The following KLKB1 variants were observed in gnomAD, a reference collection of about 807,000 sequenced individuals.
KLKB1 encodes plasma kallikrein.
Under a neutral mutation model 73.6 loss-of-function variants are expected in KLKB1, and 58 were observed. That is an observed-to-expected ratio of 0.79 (90% CI 0.64 to 0.98). The LOEUF (loss-of-function observed/expected upper bound fraction) is 0.98. KLKB1 is among the 50% of genes least tolerant of loss of function. The pLI, the probability that KLKB1 is intolerant of heterozygous loss-of-function variation, is 0.00. For synonymous variants in KLKB1, 280 were observed against 258.1 expected (o/e 1.08, Z -0.81); for missense variants, 737 against 763.8 (o/e 0.96, Z 0.41).
chr4:186,240,268 T>TA (rs1476146811), intron 6 of KLKB1, among the ~76,000 whole-genome samples: 5 of 151,952 alleles, frequency 3.3e-5, no homozygotes, highest in African/African-American at 1.2e-4. Context: ...GTGATATAGG[T>TA]ACAGTGATAT....
chr4:186,258,338 G>A lies in KLKB1; in HGVS notation c.*126G>A. The A allele has an allele frequency of 1.2e-6, 1 of 837,618 alleles. No individual in the cohort carries two copies. The highest frequency in any genetic ancestry group is 2.0e-6 in the Non-Finnish European group (1 of 499,786). 51.9% of individuals were successfully genotyped at this position (837,618 alleles called of 1,614,324 possible). On this transcript the variant is annotated 3_prime_UTR_variant, in exon 15 of 15. Transcript: ENST00000264690. ...TTGCATCCTAAGGACGAAAAACACAGTGCACTCAGAGCTGCTGAGGACAAT... is the reference window on the plus strand; with the variant it reads ...TTGCATCCTAAGGACGAAAAACACAATGCACTCAGAGCTGCTGAGGACAAT...
chr4:186,242,922 C>T (rs1169471345), intron 6 of KLKB1, among the ~76,000 whole-genome samples: 3 of 130,576 alleles, frequency 2.3e-5, no homozygotes, highest in African/African-American at 8.2e-5. Context: ...TAATAAAGGC[C>T]GGTCTGTTAT....
intron 6 of KLKB1, among the ~76,000 whole-genome samples, chr4:186,241,447 T>C (rs1333844623): frequency 1.3e-5 from 2 of 152,102 alleles, no homozygotes; most frequent in Non-Finnish European, 2.9e-5. Context: ...TTTAATGGTG[T>C]TTTAAAGCCT....
At chr4:186,218,178 T>C (rs1030133390) in intron 2 of KLKB1, among the ~76,000 whole-genome samples, 31 of 152,230 alleles carry the variant, frequency 2.0e-4, no homozygotes, top group East Asian at 5.8e-4. Context: ...ATTTCCTGAA[T>C]TGGGTGGGAA....
At chr4:186,251,925 T>A in intron 10 of KLKB1, 64 bp downstream of exon 10, 2 of 1,605,020 alleles carry the variant, frequency 1.2e-6, no homozygotes, top group South Asian at 2.2e-5. Context: ...GTTTGCTTAG[T>A]CTTAAGGAAT....
intron 5 of KLKB1, among the ~76,000 whole-genome samples, chr4:186,237,946 T>C (rs1317150726): frequency 6.6e-6 from 1 of 152,154 alleles, no homozygotes; most frequent in East Asian, 1.9e-4. Flanking sequence ...GAAGTCTGTG[T>C]CATTTTTCGC....
intron 14 of KLKB1, 107 bp from the exon 15 acceptor site, chr4:186,257,912 CTG>C (rs4253389): frequency 1.1e-3 from 1,018 of 948,834 alleles, no homozygotes; most frequent in Non-Finnish European, 1.3e-3. Context: ...ATGAAAGTAT[CTG>C]TGTGTGTGTG....
intron 2 of KLKB1, among the ~76,000 whole-genome samples, chr4:186,218,886 C>T (rs1318001745): frequency 6.6e-6 from 1 of 152,104 alleles, no homozygotes; most frequent in African/African-American, 2.4e-5. Context: ...GCAAGGAAGC[C>T]AGTCTAAGTC....
At chr4:186,236,108 C>G (rs1418082996) in intron 4 of KLKB1, among the ~76,000 whole-genome samples, 1 of 94,618 alleles carries the variant, frequency 1.1e-5, no homozygotes, top group Non-Finnish European at 2.1e-5. Context: ...AGCGAGACTC[C>G]GTCTCAAAAA....
intron 6 of KLKB1, among the ~76,000 whole-genome samples, chr4:186,246,468 C>G (rs532593060): frequency 6.6e-6 from 1 of 152,314 alleles, no homozygotes; most frequent in South Asian, 2.1e-4. Flanking sequence ...CAAGAATTAT[C>G]TAGATCTTGT....
chr4:186,255,705 G>A lies in KLKB1; in HGVS notation c.1490-287G>A, dbSNP rs4253323. Among the ~76,000 whole-genome samples the A allele has an allele frequency of 0.13, 20,327 of 152,258 alleles. 1,603 individuals are homozygous for A. Among genetic ancestry groups the A allele is most frequent in the Middle Eastern group, 0.21 (63 of 294 alleles). ...TACCCTGCTATGACTATTAAGGATA[G>A]TATACATGGAATAAGACACAGGAAC... On this transcript the variant is annotated intron_variant, in intron 12 of 14. Coordinates refer to ENST00000264690, the MANE Select transcript of KLKB1 (RefSeq NM_000892.5).
chr4:186,235,890 C>A (rs987764452), intron 4 of KLKB1, among the ~76,000 whole-genome samples: 2 of 151,232 alleles, frequency 1.3e-5, no homozygotes, highest in Non-Finnish European at 2.9e-5. Flanking sequence ...CCGAGACGGG[C>A]GGATCACGAG....
At position 186,250,277 on chromosome 4, in the gene KLKB1, C is replaced by T. The variant is rs1204117709; in HGVS notation, c.633C>T (p.Phe211=). 6.2e-7 allele frequency: 1 copy of T among 1,614,174 alleles called. No homozygotes were observed. ...TGAACATCTTCCAGCATCTTGCGTT[C>T]TCAGATGTGGATGTTGCCAGGGTTC... ...CHMNIFQHLA[F]SDVDVARVLT... Residue 211 remains phenylalanine, a synonymous_variant, in exon 7 of 15, where the codon TTC becomes TTT. Transcript: ENST00000264690.
chr4:186,234,063 G>A lies in KLKB1; in HGVS notation c.328+5G>A, dbSNP rs749635694. ...AATGTGGTCATCAAATAAGTGGTAAGTTGTGAATTTCTTAGCTACATTTGA... is the reference window on the plus strand; with the variant it reads ...AATGTGGTCATCAAATAAGTGGTAAATTGTGAATTTCTTAGCTACATTTGA... On this transcript the variant is annotated splice_donor_5th_base_variant and intron_variant, in intron 4 of 14. Coordinates refer to ENST00000264690, the MANE Select transcript of KLKB1 (RefSeq NM_000892.5). 6.2e-7 allele frequency: 1 copy of A among 1,600,094 alleles called. No homozygotes were observed. The highest frequency in any genetic ancestry group is 8.6e-7 in the Non-Finnish European group (1 of 1,167,304).
chr4:186,232,613 A>G (rs1203786422), intron 3 of KLKB1, among the ~76,000 whole-genome samples: 2 of 152,234 alleles, frequency 1.3e-5, no homozygotes, highest in African/African-American at 4.8e-5. Context: ...GAAAGAGTCT[A>G]ACAGGTGCAC....
intron 11 of KLKB1, 91 bp downstream of exon 11, chr4:186,252,276 A>T: frequency 7.4e-7 from 1 of 1,359,332 alleles, no homozygotes; most frequent in African/African-American, 1.4e-5. Flanking sequence ...ATGTGACTTT[A>T]TGAATAGAGA....
chr4:186,250,904 A>G (rs1738633719), intron 7 of KLKB1: 2 of 387,654 alleles, frequency 5.2e-6, no homozygotes, highest in South Asian at 2.6e-5. Context: ...ATGTAATATC[A>G]TCGGCAGCAT....
intron 6 of KLKB1, among the ~76,000 whole-genome samples, chr4:186,245,818 T>TTG (rs1738309746): frequency 8.6e-6 from 1 of 115,700 alleles, no homozygotes; most frequent in African/African-American, 3.0e-5. Context: ...TTTTGTTTGT[T>TTG]TTTTGGTTTT....
chr4:186,238,299 G>A lies in KLKB1; in HGVS notation c.532G>A (p.Ala178Thr), dbSNP rs4253257. ...LKYSPGGTPTAIKVLSNVESG... is the reference protein window; with the variant it reads ...LKYSPGGTPTTIKVLSNVESG... Reference sequence around the variant, plus strand: ...GTACAGTCCCGGAGGAACACCTACCGCTATAAAGGTGCTGAGTAACGTGGA... The same window carrying A: ...GTACAGTCCCGGAGGAACACCTACCACTATAAAGGTGCTGAGTAACGTGGA... Residue 178 changes from alanine (A) to threonine (T), a missense_variant, in exon 6 of 15, where the codon GCT becomes ACT. Ala to Thr is a moderately conservative substitution (Grantham distance 58). Transcript: ENST00000264690. 446 of 1,613,878 alleles carry A rather than the reference G, an allele frequency of 2.8e-4. No individual in the cohort carries two copies. Among genetic ancestry groups the A allele is most frequent in the African/African-American group, 5.3e-4 (40 of 74,986 alleles).
Sources: gnomAD v4.1 joint callset for allele counts (sites outside exome capture counted in the v4.1 genomes callset) on GRCh38, gnomAD v4.1.1 for gene constraint, MANE v1.5 for transcripts, NCBI Gene and HGNC (gene_info 2026-07-23, HGNC 2026-07-21) for gene names.